ZNF578: variants seen among roughly 807,000 people sequenced by gnomAD.
ZNF578 encodes the protein Putative chemokine-related protein B42.
A neutral mutation model predicts 8.3 loss-of-function variants in ZNF578; 8 were observed. That is an observed-to-expected ratio of 0.96 (90% CI 0.56 to 1.74). ZNF578 has a LOEUF of 1.74. Among genes scored for constraint, ZNF578 ranks in the 40% most tolerant of loss-of-function variants. ZNF578 has a pLI of 0.00. For missense variants in ZNF578, 726 were observed against 707.5 expected, an observed-to-expected ratio of 1.03 and a Z score of -0.30; for synonymous variants, 206 against 232.2, an observed-to-expected ratio of 0.89 and a Z score of 1.03.
chr19:52,468,865 C>T (rs1399627208), intron 2 of ZNF578, among the ~76,000 whole-genome samples: 2 of 152,176 alleles, frequency 1.3e-5, no homozygotes, highest in Non-Finnish European at 2.9e-5. Context: ...ATAGGTTCTT[C>T]AGCCTTTGGA....
At position 52,511,649 on chromosome 19, in the gene ZNF578, G is replaced by A. The variant is rs2059447604; in HGVS notation, c.1268G>A (p.Gly423Glu). Residue 423 changes from glycine (G) to glutamate (E), a missense_variant, in exon 6 of 6, where the codon GGA becomes GAA. Gly to Glu is a moderately conservative substitution (Grantham distance 98). Transcript: ENST00000421239. ...TCACGTCATCATAGACTTCATACTG[G>A]AGAGAAACCTTACAAGTGTAATGAC... Reference protein sequence around the residue: ...HLSRHHRLHTGEKPYKCNDCG... With the variant: ...HLSRHHRLHTEEKPYKCNDCG... 6.2e-7 allele frequency: 1 copy of A among 1,613,938 alleles called. No individual in the cohort carries two copies. The highest frequency in any genetic ancestry group is 1.3e-5 in the African/African-American group (1 of 74,900).
At chr19:52,488,944 A>C (rs949384676) in intron 2 of ZNF578, among the ~76,000 whole-genome samples, 1 of 151,690 alleles carries the variant, frequency 6.6e-6, no homozygotes, top group Non-Finnish European at 1.5e-5. Context: ...AAAATACAAA[A>C]ATTAGCTGGC....
At chr19:52,467,147 A>G (rs1042684758) in intron 2 of ZNF578, among the ~76,000 whole-genome samples, 1 of 151,594 alleles carries the variant, frequency 6.6e-6, no homozygotes, top group Non-Finnish European at 1.5e-5. Flanking sequence ...AATAGCTGGG[A>G]TTATAGGTGC....
intron 2 of ZNF578, among the ~76,000 whole-genome samples, chr19:52,466,431 T>C (rs1371800436): frequency 1.3e-5 from 2 of 152,224 alleles, no homozygotes; most frequent in Non-Finnish European, 2.9e-5. Context: ...TGTGGCTTTC[T>C]GCAACTTATT....
At chr19:52,476,906 T>G (rs1673909) in intron 2 of ZNF578, among the ~76,000 whole-genome samples, 15,638 of 152,154 alleles carry the variant, frequency 0.1, 1,367 homozygotes, top group East Asian at 0.33. Context: ...TTAGAGTTTA[T>G]GGGTTGGGAT....
intron 2 of ZNF578, among the ~76,000 whole-genome samples, chr19:52,476,122 A>G (rs550365201): frequency 3.3e-5 from 5 of 151,482 alleles, no homozygotes; most frequent in Admixed American, 2.0e-4. Flanking sequence ...AAAAAAAACA[A>G]TCCTTAAGAT....
intron 5 of ZNF578, among the ~76,000 whole-genome samples, chr19:52,506,262 A>T (rs1205285430): frequency 6.6e-6 from 1 of 151,830 alleles, no homozygotes; most frequent in Non-Finnish European, 1.5e-5. Context: ...CATTTTCCTC[A>T]TGTATTTATC....
intron 5 of ZNF578, 142 bp from the exon 6 acceptor site, chr19:52,510,430 T>G: frequency 8.6e-7 from 1 of 1,163,396 alleles, no homozygotes. Flanking sequence ...TAAAGAATCT[T>G]ACTACTTTTG....
At chr19:52,507,153 C>T (rs1026274533) in intron 5 of ZNF578, among the ~76,000 whole-genome samples, 93 of 152,054 alleles carry the variant, frequency 6.1e-4, no homozygotes, top group African/African-American at 2.1e-3. Context: ...TTTGGGAGGC[C>T]GAGATGGGTG....
chr19:52,457,553 C>G (rs921821013), intron 2 of ZNF578: 3 of 151,772 alleles, frequency 2.0e-5, no homozygotes, highest in African/African-American at 7.3e-5. Flanking sequence ...CCTGGACTTG[C>G]GACTGGTGTG....
intron 5 of ZNF578, among the ~76,000 whole-genome samples, chr19:52,507,260 C>T (rs544918545): frequency 2.0e-5 from 3 of 152,250 alleles, no homozygotes; most frequent in Admixed American, 6.5e-5. Flanking sequence ...TGTTGGTATG[C>T]ACCTGTAATC....
intron 2 of ZNF578, among the ~76,000 whole-genome samples, chr19:52,471,482 C>T (rs1423004390): frequency 6.6e-6 from 1 of 152,176 alleles, no homozygotes; most frequent in East Asian, 1.9e-4. Context: ...TCTGCACTCC[C>T]TCTTTGTATT....
chr19:52,500,159 G>A (rs2059401504), intron 3 of ZNF578, among the ~76,000 whole-genome samples: 1 of 152,112 alleles, frequency 6.6e-6, no homozygotes, highest in Admixed American at 6.6e-5. Flanking sequence ...CTGCGGCTGT[G>A]AAATCAGAAA....
chr19:52,489,960 A>G (rs1387596928), intron 2 of ZNF578, among the ~76,000 whole-genome samples: 3 of 152,128 alleles, frequency 2.0e-5, no homozygotes, highest in Non-Finnish European at 4.4e-5. Flanking sequence ...CCAGCCACCC[A>G]TGACCAAATT....
At chr19:52,496,286 G>A (rs947891913) in intron 3 of ZNF578, among the ~76,000 whole-genome samples, 5 of 151,748 alleles carry the variant, frequency 3.3e-5, no homozygotes, top group Admixed American at 1.3e-4. Flanking sequence ...AAAGTGCTGC[G>A]ATTACAGGCA....
intron 2 of ZNF578, among the ~76,000 whole-genome samples, chr19:52,471,252 C>T (rs945224903): frequency 6.6e-6 from 1 of 152,170 alleles, no homozygotes; most frequent in Non-Finnish European, 1.5e-5. Context: ...TAATACAAGG[C>T]TGTAATACTG....
At chr19:52,469,952 G>C (rs2059287039) in intron 2 of ZNF578, among the ~76,000 whole-genome samples, 2 of 152,152 alleles carry the variant, frequency 1.3e-5, no homozygotes, top group Admixed American at 1.3e-4. Flanking sequence ...AGCCTCACCA[G>C]GTATCTATAA....
At chr19:52,485,049 T>G (rs894364592) in intron 2 of ZNF578, among the ~76,000 whole-genome samples, 2 of 150,890 alleles carry the variant, frequency 1.3e-5, no homozygotes, top group South Asian at 4.2e-4. Flanking sequence ...AAAAAGAGAG[T>G]CGGACTTTGA....
intron 2 of ZNF578, among the ~76,000 whole-genome samples, chr19:52,472,772 A>G (rs1026364576): frequency 1.2e-4 from 18 of 152,344 alleles, no homozygotes; most frequent in Admixed American, 1.1e-3. Flanking sequence ...CCTCCATGCC[A>G]TGAAAAGATT....
Sources: gnomAD v4.1 joint callset for allele counts (sites outside exome capture counted in the v4.1 genomes callset) on GRCh38, gnomAD v4.1.1 for gene constraint, MANE v1.5 for transcripts, NCBI Gene and HGNC (gene_info 2026-07-23, HGNC 2026-07-21) for gene names.